EPHA6: variants seen among roughly 807,000 people sequenced by gnomAD.
The protein encoded by EPHA6 is EPH receptor A6.
A neutral mutation model predicts 112.0 loss-of-function variants in EPHA6; 50 were observed. The observed-to-expected ratio is 0.45, with a 90% confidence interval of 0.36 to 0.56. EPHA6 has a LOEUF of 0.56. EPHA6 is among the 20% of genes least tolerant of loss of function. EPHA6 has a pLI of 0.00. For missense variants in EPHA6, 1,280 were observed against 1,417.4 expected, an observed-to-expected ratio of 0.90 and a Z score of 1.56; for synonymous variants, 529 against 490.7, an observed-to-expected ratio of 1.08 and a Z score of -1.03.
chr3:97,481,585 G>C (rs2091550630), intron 9 of EPHA6: 1 of 557,944 alleles, frequency 1.8e-6, no homozygotes, highest in Non-Finnish European at 3.4e-6. Context: ...GGGGACTGTT[G>C]GGTCAGAAAG....
chr3:97,044,941 A>C (rs1023515503), intron 3 of EPHA6, among the ~76,000 whole-genome samples: 3 of 152,102 alleles, frequency 2.0e-5, no homozygotes, highest in Admixed American at 2.0e-4. Flanking sequence ...TGTCTTTAGA[A>C]AGTCTAAGGA....
chr3:96,940,039 G>A (rs2040845277), intron 2 of EPHA6, among the ~76,000 whole-genome samples: 1 of 152,030 alleles, frequency 6.6e-6, no homozygotes, highest in Non-Finnish European at 1.5e-5. Flanking sequence ...GGTTAATTTT[G>A]GAATACGTGT....
intron 10 of EPHA6, among the ~76,000 whole-genome samples, chr3:97,512,082 C>G (rs1271818633): frequency 6.6e-6 from 1 of 152,054 alleles, no homozygotes; most frequent in East Asian, 1.9e-4. Flanking sequence ...GACAAACAAA[C>G]TGAGATTTTA....
At chr3:97,056,655 A>G (rs1179019967) in intron 3 of EPHA6, among the ~76,000 whole-genome samples, 4 of 152,126 alleles carry the variant, frequency 2.6e-5, no homozygotes, top group African/African-American at 4.8e-5. Context: ...GACTTCACAG[A>G]GCCCCTTATC....
intron 10 of EPHA6, among the ~76,000 whole-genome samples, chr3:97,516,142 T>A (rs1052420787): frequency 3.4e-4 from 52 of 152,316 alleles, no homozygotes; most frequent in African/African-American, 1.2e-3. Context: ...TACACATTAA[T>A]CTGTATCTCT....
intron 2 of EPHA6, among the ~76,000 whole-genome samples, chr3:96,948,102 A>G (rs2041363520): frequency 6.6e-6 from 1 of 152,100 alleles, no homozygotes; most frequent in Non-Finnish European, 1.5e-5. Context: ...TATTTTGGAT[A>G]TTTTCCCCAA....
At chr3:97,580,775 T>A (rs1244956377) in intron 11 of EPHA6, among the ~76,000 whole-genome samples, 3 of 152,154 alleles carry the variant, frequency 2.0e-5, no homozygotes, top group Admixed American at 1.3e-4. Context: ...GAGAATTAGG[T>A]GAATATACGC....
At chr3:97,026,794 G>A (rs938289048) in intron 3 of EPHA6, among the ~76,000 whole-genome samples, 17 of 152,130 alleles carry the variant, frequency 1.1e-4, no homozygotes, top group African/African-American at 4.1e-4. Context: ...ATAGATGCTA[G>A]CGAGGTTGTG....
chr3:97,030,553 C>A (rs944120730), intron 3 of EPHA6, among the ~76,000 whole-genome samples: 1 of 152,050 alleles, frequency 6.6e-6, no homozygotes, highest in Non-Finnish European at 1.5e-5. Flanking sequence ...CTCCTAACCT[C>A]TCTTCCCCTT....
intron 3 of EPHA6, among the ~76,000 whole-genome samples, chr3:97,185,926 G>A (rs1263059600): frequency 6.6e-6 from 1 of 151,964 alleles, no homozygotes; most frequent in East Asian, 1.9e-4. Context: ...CATGGATGAA[G>A]CTGGAAACCA....
chr3:96,967,656 T>G (rs142558460), intron 2 of EPHA6, among the ~76,000 whole-genome samples: 1 of 151,908 alleles, frequency 6.6e-6, no homozygotes, highest in African/African-American at 2.4e-5. Context: ...TTGTTATCTT[T>G]TTAACAACAT....
At chr3:96,819,823 G>A (rs572494472) in intron 1 of EPHA6, among the ~76,000 whole-genome samples, 139 of 152,122 alleles carry the variant, frequency 9.1e-4, no homozygotes, top group South Asian at 8.9e-3. Flanking sequence ...CTAAAATTTG[G>A]ATTATGGATT....
intron 7 of EPHA6, among the ~76,000 whole-genome samples, chr3:97,461,052 C>A (rs145713291): frequency 3.1e-4 from 47 of 152,230 alleles, no homozygotes; most frequent in South Asian, 8.3e-4. Context: ...ACAAGTAACA[C>A]GTGATCATTC....
intron 5 of EPHA6, among the ~76,000 whole-genome samples, chr3:97,315,985 G>A (rs2081812875): frequency 6.6e-6 from 1 of 151,746 alleles, no homozygotes; most frequent in South Asian, 2.1e-4. Context: ...TTAGAGCTGT[G>A]TCTACGTAAA....
At chr3:97,365,228 C>G (rs2084647437) in intron 5 of EPHA6, among the ~76,000 whole-genome samples, 2 of 151,992 alleles carry the variant, frequency 1.3e-5, no homozygotes, top group Non-Finnish European at 2.9e-5. Context: ...TACTTAGATA[C>G]ATTTTTAAAG....
intron 3 of EPHA6, among the ~76,000 whole-genome samples, chr3:97,067,037 G>T (rs1264095389): frequency 6.6e-6 from 1 of 151,978 alleles, no homozygotes; most frequent in Non-Finnish European, 1.5e-5. Flanking sequence ...AATGTAATGT[G>T]GTTCACCAGA....
intron 14 of EPHA6, among the ~76,000 whole-genome samples, chr3:97,676,723 A>C (rs2031421073): frequency 6.6e-6 from 1 of 152,192 alleles, no homozygotes; most frequent in Non-Finnish European, 1.5e-5. Context: ...TTGGATTTAG[A>C]TGGGAGTATG....
At chr3:97,640,807 A>G (rs2093996754) in intron 14 of EPHA6, among the ~76,000 whole-genome samples, 2 of 152,096 alleles carry the variant, frequency 1.3e-5, no homozygotes, top group African/African-American at 4.8e-5. Flanking sequence ...ATATTATTGA[A>G]ACAGTGTAAA....
At chr3:97,132,602 T>C (rs369017148) in intron 3 of EPHA6, among the ~76,000 whole-genome samples, 2 of 152,188 alleles carry the variant, frequency 1.3e-5, no homozygotes, top group East Asian at 1.9e-4. Flanking sequence ...TGAAAAAATG[T>C]CCTCTAACAT....
Sources: gnomAD v4.1 joint callset for allele counts (sites outside exome capture counted in the v4.1 genomes callset) on GRCh38, gnomAD v4.1.1 for gene constraint, MANE v1.5 for transcripts, NCBI Gene and HGNC (gene_info 2026-07-23, HGNC 2026-07-21) for gene names.